The following FRMD4A variants were observed in gnomAD, a reference collection of about 807,000 sequenced individuals.
FRMD4A encodes FERM domain-containing protein 4A.
A neutral mutation model predicts 129.1 loss-of-function variants in FRMD4A; 29 were observed. The ratio of observed to expected loss-of-function variants is 0.22; its 90% confidence interval spans 0.17 to 0.31. The LOEUF is 0.31. Among genes scored for constraint, FRMD4A ranks in the 10% least tolerant of loss-of-function variants. FRMD4A has a pLI of 1.00. For missense variants in FRMD4A, 1,272 were observed against 1,375.8 expected, an observed-to-expected ratio of 0.92 and a Z score of 1.19; for synonymous variants, 634 against 571.6, an observed-to-expected ratio of 1.11 and a Z score of -1.56.
intron 2 of FRMD4A, among the ~76,000 whole-genome samples, chr10:13,894,179 A>G (rs10437554): frequency 0.011 from 1,623 of 152,300 alleles, 29 homozygotes; most frequent in African/African-American, 0.037. Context: ...TACTCAGGCC[A>G]CATCATCTTT....
chr10:13,804,113 G>A (rs1261828492), intron 4 of FRMD4A, among the ~76,000 whole-genome samples: 1 of 152,204 alleles, frequency 6.6e-6, no homozygotes, highest in Non-Finnish European at 1.5e-5. Flanking sequence ...AACACAGCAT[G>A]GGTCGTCTGA....
At chr10:13,723,006 G>C (rs1332890320) in intron 12 of FRMD4A, among the ~76,000 whole-genome samples, 2 of 152,158 alleles carry the variant, frequency 1.3e-5, no homozygotes, top group Non-Finnish European at 2.9e-5. Context: ...TGGTTAGCTA[G>C]GTCACCATGC....
At chr10:13,663,592 C>T (rs1215964320) in intron 18 of FRMD4A, 83 bp from the exon 19 acceptor site, 6 of 753,894 alleles carry the variant, frequency 8.0e-6, no homozygotes, top group Middle Eastern at 2.3e-4. Flanking sequence ...ATGTCTACTA[C>T]CACCTCATAC....
chr10:13,997,308 A>G (rs2095626049), intron 2 of FRMD4A, among the ~76,000 whole-genome samples: 1 of 152,116 alleles, frequency 6.6e-6, no homozygotes, highest in African/African-American at 2.4e-5. Context: ...AGTTGTAATA[A>G]TCTTCACCCC....
chr10:13,936,298 T>G (rs1296274304), intron 2 of FRMD4A, among the ~76,000 whole-genome samples: 1 of 152,184 alleles, frequency 6.6e-6, no homozygotes, highest in African/African-American at 2.4e-5. Context: ...GGTGCTGCAG[T>G]GCCAAAAATG....
rs893472214 is a variant in FRMD4A, at chr10:14,290,605, C to A, written c.45+39453G>T. Among the ~76,000 whole-genome samples the A allele has an allele frequency of 2.6e-5, 4 of 151,982 alleles. No homozygotes were observed. In the East Asian group the frequency reaches 7.7e-4, roughly 29 times the overall value. On this transcript the variant is annotated intron_variant, in intron 2 of 24. Transcript: ENST00000357447. ...AGTCAAAATTGAGAAAAAACTTAAGCACAAGACCTAGAACTATAAAACTTC... is the reference window on the plus strand; with the variant it reads ...AGTCAAAATTGAGAAAAAACTTAAGAACAAGACCTAGAACTATAAAACTTC...
At chr10:13,796,036 T>C (rs996180649) in intron 5 of FRMD4A, among the ~76,000 whole-genome samples, 4 of 152,192 alleles carry the variant, frequency 2.6e-5, no homozygotes, top group African/African-American at 9.7e-5. Context: ...GATGGGCCTG[T>C]GGTTTGCTGC....
intron 2 of FRMD4A, among the ~76,000 whole-genome samples, chr10:14,307,923 C>T (rs957973885): frequency 6.6e-6 from 1 of 152,190 alleles, no homozygotes; most frequent in Non-Finnish European, 1.5e-5. Context: ...CACTCTCTAC[C>T]TTCTCATTCT....
chr10:13,696,961 C>T (rs2086282688), intron 14 of FRMD4A, among the ~76,000 whole-genome samples: 1 of 152,158 alleles, frequency 6.6e-6, no homozygotes. Flanking sequence ...AATTTGCTAA[C>T]TGAGGTTAGA....
At chr10:13,981,738 CAAAAAAAAAAAAA>C (rs55829400) in intron 2 of FRMD4A, among the ~76,000 whole-genome samples, 40,859 of 97,696 alleles carry the variant, frequency 0.42, 6,744 homozygotes, top group East Asian at 0.61. Context: ...GACTCCGTGT[CAAAAAAAAAAAAA>C]AAAAAAAAAA....
chr10:13,792,667 T>C (rs2093029400), intron 5 of FRMD4A, among the ~76,000 whole-genome samples: 1 of 152,220 alleles, frequency 6.6e-6, no homozygotes, highest in Non-Finnish European at 1.5e-5. Flanking sequence ...TGCTGAATAA[T>C]GGATAGTTCC....
At chr10:13,708,611 G>C (rs183191803) in intron 12 of FRMD4A, among the ~76,000 whole-genome samples, 1 of 152,332 alleles carries the variant, frequency 6.6e-6, no homozygotes, top group Non-Finnish European at 1.5e-5. Context: ...TGGGTGGAGA[G>C]ACACTGCAAG....
intron 15 of FRMD4A, chr10:13,685,289 G>C (rs1169389536): frequency 1.0e-6 from 1 of 985,390 alleles, no homozygotes; most frequent in Non-Finnish European, 1.2e-6. Context: ...CTCTGGAAGA[G>C]CTTTGCTTTC....
At chr10:13,814,589 AAAAAAAAAAAAAAAAAAAG>A (rs1294446275) in intron 3 of FRMD4A, among the ~76,000 whole-genome samples, 2 of 144,248 alleles carry the variant, frequency 1.4e-5, no homozygotes, top group Non-Finnish European at 3.1e-5. Flanking sequence ...TCAAAAAAAA[AAAAAAAAAAAAAAAAAAAG>A]AAAGAAAGGG....
At chr10:13,981,676 T>C (rs1588665035) in intron 2 of FRMD4A, among the ~76,000 whole-genome samples, 1 of 145,390 alleles carries the variant, frequency 6.9e-6, no homozygotes, top group Admixed American at 7.0e-5. Context: ...GAGGCGGAGG[T>C]TGTAGTGAGC....
At chr10:13,824,656 G>C (rs1055647060) in intron 3 of FRMD4A, among the ~76,000 whole-genome samples, 2 of 152,072 alleles carry the variant, frequency 1.3e-5, no homozygotes, top group African/African-American at 2.4e-5. Flanking sequence ...CCTTTGGGAG[G>C]CTGAGGTGTG....
chr10:13,869,028 C>T (rs753465923), intron 2 of FRMD4A, among the ~76,000 whole-genome samples: 2 of 152,206 alleles, frequency 1.3e-5, no homozygotes, highest in East Asian at 1.9e-4. Context: ...GTTTTACTTG[C>T]GGATCTTTGG....
At chr10:13,667,014 T>A (rs1235097431) in intron 17 of FRMD4A, among the ~76,000 whole-genome samples, 1 of 151,040 alleles carries the variant, frequency 6.6e-6, no homozygotes, top group Admixed American at 6.7e-5. Context: ...CAGGTTCAAA[T>A]GATTCTCCTG....
chr10:14,295,139 A>G (rs191067429), intron 2 of FRMD4A, among the ~76,000 whole-genome samples: 3 of 152,258 alleles, frequency 2.0e-5, no homozygotes, highest in African/African-American at 7.2e-5. Context: ...AGGGGGCCCA[A>G]CATCAACATG....
Sources: allele counts gnomAD v4.1 joint callset (sites outside exome capture counted in the v4.1 genomes callset), GRCh38; gene constraint gnomAD v4.1.1; transcripts MANE v1.5; gene names NCBI Gene and HGNC (gene_info 2026-07-23, HGNC 2026-07-21).